CRY1: variants seen among roughly 807,000 people sequenced by gnomAD.
CRY1 encodes cryptochrome circadian regulator 1, also known as cryptochrome-1.
Under a neutral mutation model 76.0 loss-of-function variants are expected in CRY1, and 45 were observed. The observed-to-expected ratio is 0.59, with a 90% CI of 0.47 to 0.76. The LOEUF (loss-of-function observed/expected upper bound fraction) is 0.76. CRY1 is among the 30% of genes least tolerant of loss of function. CRY1 has a pLI of 0.00. For missense variants in CRY1, 587 were observed against 716.4 expected, an observed-to-expected ratio of 0.82 and a Z score of 2.06; for synonymous variants, 248 against 244.0, an observed-to-expected ratio of 1.02 and a Z score of -0.15.
At chr12:107,054,364 T>C (rs1383721359) in intron 1 of CRY1, among the ~76,000 whole-genome samples, 1 of 151,710 alleles carries the variant, frequency 6.6e-6, no homozygotes, top group East Asian at 1.9e-4. Flanking sequence ...GTAATTATTT[T>C]ATTAATTAAT....
intron 3 of CRY1, among the ~76,000 whole-genome samples, chr12:107,003,955 GC>G (rs1343768333): frequency 2.0e-5 from 3 of 151,772 alleles, no homozygotes; most frequent in African/African-American, 7.3e-5. Flanking sequence ...ACAGGCACCC[GC>G]CACTATGCCT....
At position 107,093,147 on chromosome 12, in the gene CRY1, G is replaced by C. The variant is rs1345162647; in HGVS notation, c.-186C>G. 2.9e-5 allele frequency: 20 copies of C among 685,312 alleles called. No homozygotes were observed. The highest frequency in any genetic ancestry group is 4.4e-5 in the Non-Finnish European group (19 of 435,274). 42.5% of individuals were successfully genotyped at this position (685,312 alleles called of 1,614,324 possible). ...AGGCGGGGGCGCCGGAGGCGCAGTG[G>C]AAAGATGAATGGAGGTTGCCTAGTC... On this transcript the variant is annotated 5_prime_UTR_variant, in exon 1 of 13. Coordinates refer to ENST00000008527, the MANE Select transcript of CRY1 (RefSeq NM_004075.5).
intron 1 of CRY1, among the ~76,000 whole-genome samples, chr12:107,068,643 C>T (rs1953141578): frequency 6.6e-6 from 1 of 152,124 alleles, no homozygotes; most frequent in African/African-American, 2.4e-5. Context: ...CATATGAGTA[C>T]ATTGATAATG....
At chr12:107,073,723 A>G (rs1378306964) in intron 1 of CRY1, among the ~76,000 whole-genome samples, 1 of 152,068 alleles carries the variant, frequency 6.6e-6, no homozygotes, top group Non-Finnish European at 1.5e-5. Flanking sequence ...ATTGAGACAG[A>G]GTCCGTTTCA....
chr12:107,077,365 C>A (rs950934923), intron 1 of CRY1, among the ~76,000 whole-genome samples: 1 of 152,172 alleles, frequency 6.6e-6, no homozygotes, highest in African/African-American at 2.4e-5. Flanking sequence ...ATCTTTGTAT[C>A]TCCAATGACT....
Position 107,034,348 on chromosome 12 carries a change from C to T in CRY1, c.159-12156G>A, listed in dbSNP as rs562750743. Among the ~76,000 whole-genome samples the T allele has an allele frequency of 7.9e-4, 120 of 152,170 alleles. 1 individual carries two copies. Among genetic ancestry groups the T allele is most frequent in the Admixed American group, 2.4e-3 (36 of 15,278 alleles). On this transcript the variant is annotated intron_variant, in intron 1 of 12. Coordinates refer to ENST00000008527, the MANE Select transcript of CRY1 (RefSeq NM_004075.5). The stretch of plus-strand genomic sequence containing the variant: ...TTCTGACAACTCCCCACCACTTTTC[C>T]GGAAAACTCATGAATAAGCCACCCC...
At position 106,999,946 on chromosome 12, in the gene CRY1, T is replaced by C. The variant is rs1952284649; in HGVS notation, c.821A>G (p.Lys274Arg). ...AGCTCTAATTTTAGAGAATACCTTT[T>C]TGTAGAGATCTGTTAGTTTGAAGTA... ...LFYFKLTDLY[K>R]KVKKNSSPPL... is the part of the protein sequence containing the mutation. Residue 274 changes from lysine (K) to arginine (R), a missense_variant, in exon 6 of 13, where the codon AAA (lysine) becomes AGA (arginine). Lys to Arg is a conservative substitution (Grantham distance 26). Coordinates refer to ENST00000008527, the MANE Select transcript of CRY1 (RefSeq NM_004075.5). 6.3e-7 allele frequency: 1 copy of C among 1,599,524 alleles called. No individual in the cohort carries two copies. Among genetic ancestry groups the C allele is most frequent in the Admixed American group, 1.8e-5 (1 of 55,592 alleles).
chr12:107,013,195 A>G (rs1191682574), intron 2 of CRY1, among the ~76,000 whole-genome samples: 1 of 152,226 alleles, frequency 6.6e-6, no homozygotes, highest in Admixed American at 6.5e-5. Context: ...TGAAAGGAAG[A>G]GTCAATTGAT....
intron 1 of CRY1, among the ~76,000 whole-genome samples, chr12:107,066,620 C>T (rs1174206608): frequency 6.6e-6 from 1 of 152,100 alleles, no homozygotes; most frequent in African/African-American, 2.4e-5. Context: ...CATGTGCCAA[C>T]ACATCTGGCT....
At chr12:107,067,633 G>A (rs1401219308) in intron 1 of CRY1, among the ~76,000 whole-genome samples, 1 of 151,686 alleles carries the variant, frequency 6.6e-6, no homozygotes, top group East Asian at 1.9e-4. Context: ...TTAAATCTGT[G>A]ACATCTGGAA....
At chr12:107,047,661 C>T (rs1026815153) in intron 1 of CRY1, among the ~76,000 whole-genome samples, 5 of 152,178 alleles carry the variant, frequency 3.3e-5, no homozygotes, top group African/African-American at 1.2e-4. Context: ...GCTTCCCCTT[C>T]TGCCATGATT....
intron 1 of CRY1, among the ~76,000 whole-genome samples, chr12:107,038,280 A>C (rs937812268): frequency 6.6e-6 from 1 of 152,226 alleles, no homozygotes; most frequent in African/African-American, 2.4e-5. Context: ...GGAAATCATC[A>C]GCACATTTGT....
chr12:107,009,351 C>T (rs1952412182), intron 2 of CRY1, among the ~76,000 whole-genome samples: 1 of 151,546 alleles, frequency 6.6e-6, no homozygotes, highest in Non-Finnish European at 1.5e-5. Flanking sequence ...CCACTCTGGG[C>T]AACATGGTGA....
intron 1 of CRY1, among the ~76,000 whole-genome samples, chr12:107,060,520 G>C (rs1953033387): frequency 6.6e-6 from 1 of 152,156 alleles, no homozygotes; most frequent in South Asian, 2.1e-4. Flanking sequence ...TTGGTACTGT[G>C]TTATAGCAGC....
chr12:107,080,353 A>AAC (rs1182509215), intron 1 of CRY1, among the ~76,000 whole-genome samples: 2 of 152,142 alleles, frequency 1.3e-5, no homozygotes, highest in African/African-American at 2.4e-5. Flanking sequence ...GATACATACA[A>AAC]ACACACACAC....
At chr12:107,078,823 T>G (rs1953288795) in intron 1 of CRY1, among the ~76,000 whole-genome samples, 1 of 152,088 alleles carries the variant, frequency 6.6e-6, no homozygotes, top group African/African-American at 2.4e-5. Context: ...ACACTCTACT[T>G]TCTCCCTCAC....
At chr12:107,090,273 A>G (rs1217952138) in intron 1 of CRY1, among the ~76,000 whole-genome samples, 2 of 151,718 alleles carry the variant, frequency 1.3e-5, no homozygotes, top group Admixed American at 6.6e-5. Context: ...TGTGTTTTTT[A>G]CTAGAGACGG....
At chr12:107,047,246 A>T (rs1952859722) in intron 1 of CRY1, among the ~76,000 whole-genome samples, 1 of 152,236 alleles carries the variant, frequency 6.6e-6, no homozygotes, top group Non-Finnish European at 1.5e-5. Flanking sequence ...AATATAGGGA[A>T]ATCAAAGAAC....
chr12:106,995,082 A>G (rs1446661715), intron 10 of CRY1, among the ~76,000 whole-genome samples: 2 of 152,238 alleles, frequency 1.3e-5, no homozygotes, highest in African/African-American at 2.4e-5. Context: ...GGAGCTAGTC[A>G]GACTTGGATC....
Sources: allele counts gnomAD v4.1 joint callset (sites outside exome capture counted in the v4.1 genomes callset), GRCh38; gene constraint gnomAD v4.1.1; transcripts MANE v1.5; gene names NCBI Gene and HGNC (gene_info 2026-07-23, HGNC 2026-07-21).